OLFM2: variants seen among roughly 807,000 people sequenced by gnomAD.
OLFM2 encodes olfactomedin 2, also known as noelin-2.
Under a neutral mutation model 43.9 loss-of-function variants are expected in OLFM2, and 20 were observed. The observed-to-expected ratio is 0.46, with a 90% CI of 0.32 to 0.66. The LOEUF is 0.66. OLFM2 is among the 30% of genes least tolerant of loss of function. OLFM2 has a pLI of 0.04. For synonymous variants in OLFM2, 268 were observed against 278.6 expected, an observed-to-expected ratio of 0.96 and a Z score of 0.38; for missense variants, 416 against 643.6, an observed-to-expected ratio of 0.65 and a Z score of 3.83.
chr19:9,904,152 TTGTGTGTGTGTGTGTGTGTG>T lies in OLFM2; in HGVS notation c.63+32132_63+32151del, dbSNP rs56281493. On this transcript the variant is annotated intron_variant, in intron 1 of 5. Coordinates refer to ENST00000264833, the MANE Select transcript of OLFM2 (RefSeq NM_058164.4). ...CCTCCAATCCCAGGCTGAGTATTGT[TTGTGTGTGTGTGTGTGTGTG>T]TGTGTGTGTGTGTGTGTGTGTGTGT... is the stretch of plus-strand genomic sequence containing the variant. Among the ~76,000 whole-genome samples, 26 of 127,270 alleles carry T rather than the reference TTGTGTGTGTGTGTGTGTGTG, an allele frequency of 2.0e-4. 1 individual carries two copies. The South Asian group carries it at 2.9e-3, about 14-fold the overall frequency. 83.5% of individuals were successfully genotyped at this position (127,270 alleles called of 152,430 possible).
At position 9,860,705 on chromosome 19, in the gene OLFM2, T is replaced by C; in HGVS notation, c.153A>G (p.Pro51=). The C allele has an allele frequency of 6.2e-7, 1 of 1,605,780 alleles. No homozygotes were observed. Among genetic ancestry groups the C allele is most frequent in the Non-Finnish European group, 8.5e-7 (1 of 1,176,154 alleles). Reference sequence around the variant, plus strand: ...CATCTCGAGAGCAGGTACTCTGCGCTGGGATCACGGCCGTGCAGATGCATT... The same window carrying C: ...CATCTCGAGAGCAGGTACTCTGCGCCGGGATCACGGCCGTGCAGATGCATT... ...DGKCICTAVI[P]AQSTCSRDGR... The change falls in exon 2 of 6, where the codon CCA becomes CCG. Residue 51 remains proline (P), a synonymous_variant. Coordinates refer to ENST00000264833, the MANE Select transcript of OLFM2 (RefSeq NM_058164.4).
At position 9,893,067 on chromosome 19, in the gene OLFM2, T is replaced by A. The variant is rs552088282; in HGVS notation, c.64-32273A>T. Among the ~76,000 whole-genome samples, 3 of 152,320 alleles carry A rather than the reference T, an allele frequency of 2.0e-5. No homozygotes were observed. In the East Asian group the frequency reaches 5.8e-4, roughly 29 times the overall value. On this transcript the variant is annotated intron_variant, in intron 1 of 5. Coordinates refer to ENST00000264833, the MANE Select transcript of OLFM2 (RefSeq NM_058164.4). ...TCTTCATCTCTTAGAACCAGGTTTC[T>A]CTTTGGTCTCTCCCAGTTAAGCCTT...
At chr19:9,913,708 C>T in intron 1 of OLFM2, 1 of 1,055,440 alleles carries the variant, frequency 9.5e-7, no homozygotes, top group African/African-American at 1.7e-5. Context: ...CCCAGGCGCC[C>T]CGGGGGGGCG....
chr19:9,882,374 T>C (rs908512512), intron 1 of OLFM2, among the ~76,000 whole-genome samples: 7 of 147,276 alleles, frequency 4.8e-5, no homozygotes, highest in African/African-American at 1.8e-4. Context: ...CCGTCTCTAC[T>C]AAAAATACAA....
At chr19:9,861,976 C>T (rs926174612) in intron 1 of OLFM2, among the ~76,000 whole-genome samples, 3 of 149,604 alleles carry the variant, frequency 2.0e-5, no homozygotes, top group South Asian at 2.1e-4. Flanking sequence ...GCTGAGACTG[C>T]GCCACTGCGC....
chr19:9,878,709 C>A (rs2046513523), intron 1 of OLFM2, among the ~76,000 whole-genome samples: 1 of 152,056 alleles, frequency 6.6e-6, no homozygotes. Flanking sequence ...TAGGACAGCA[C>A]CCTCCACAGC....
chr19:9,913,724 G>A, intron 1 of OLFM2: 2 of 1,038,566 alleles, frequency 1.9e-6, no homozygotes, highest in Non-Finnish European at 2.3e-6. Flanking sequence ...GGGCGTGGGG[G>A]AGGGGGCACG....
chr19:9,866,624 C>T (rs1455829959), intron 1 of OLFM2, among the ~76,000 whole-genome samples: 1 of 151,756 alleles, frequency 6.6e-6, no homozygotes, highest in Non-Finnish European at 1.5e-5. Context: ...CTCAGCCTCC[C>T]GAGCAGCTGG....
At chr19:9,874,630 A>G (rs975465654) in intron 1 of OLFM2, among the ~76,000 whole-genome samples, 2 of 151,880 alleles carry the variant, frequency 1.3e-5, no homozygotes, top group East Asian at 1.9e-4. Context: ...ACAGGTGTGC[A>G]CCACCATGCC....
intron 1 of OLFM2, among the ~76,000 whole-genome samples, chr19:9,890,903 G>A (rs1248070251): frequency 1.3e-5 from 2 of 151,926 alleles, no homozygotes; most frequent in African/African-American, 4.8e-5. Flanking sequence ...GCAGTGAGCT[G>A]TGATCACACC....
intron 1 of OLFM2, among the ~76,000 whole-genome samples, chr19:9,919,176 C>CTTTCTTTT (rs1555728852): frequency 5.4e-5 from 8 of 149,258 alleles, no homozygotes; most frequent in South Asian, 2.1e-4. Flanking sequence ...ATTTCTCTCT[C>CTTTCTTTT]TTTTTTTTGA....
intron 1 of OLFM2, among the ~76,000 whole-genome samples, chr19:9,863,908 A>C (rs2046382107): frequency 6.6e-6 from 1 of 152,240 alleles, no homozygotes; most frequent in South Asian, 2.1e-4. Context: ...ACCCTTCCTA[A>C]ATGGGGGGAA....
intron 2 of OLFM2, among the ~76,000 whole-genome samples, chr19:9,858,457 T>A (rs1161118218): frequency 2.0e-5 from 3 of 152,144 alleles, no homozygotes; most frequent in Admixed American, 2.0e-4. Flanking sequence ...TCCTCTTGCC[T>A]GGTCATTTCC....
rs1189501294 is a variant in OLFM2, at chr19:9,853,893, G to C, written c.*293C>G. On this transcript the variant is annotated 3_prime_UTR_variant, in exon 6 of 6. Transcript: ENST00000264833. ...GGAAGGACAGAGAGAGAGAGACAGA[G>C]AGAGGCAGAGACGGAAAGAACTGGA... 3 of 565,630 alleles carry C rather than the reference G, an allele frequency of 5.3e-6. No individual in the cohort carries two copies. The highest frequency in any genetic ancestry group is 1.9e-5 in the African/African-American group (1 of 53,186). The allele number at this position is 565,630 out of a possible 1,614,324, so 35.0% of individuals were successfully genotyped here.
chr19:9,890,349 G>C (rs1002010144), intron 1 of OLFM2, among the ~76,000 whole-genome samples: 3 of 152,120 alleles, frequency 2.0e-5, no homozygotes, highest in African/African-American at 7.2e-5. Flanking sequence ...TGATGTATCT[G>C]AAGCTAAGGG....
chr19:9,897,803 C>T (rs1460982409), intron 1 of OLFM2, among the ~76,000 whole-genome samples: 2 of 152,242 alleles, frequency 1.3e-5, no homozygotes, highest in South Asian at 2.1e-4. Context: ...GCTTTCTTCC[C>T]ATGGAGCATG....
At chr19:9,901,606 AC>A (rs2046740533) in intron 1 of OLFM2, among the ~76,000 whole-genome samples, 2 of 152,156 alleles carry the variant, frequency 1.3e-5, no homozygotes, top group South Asian at 4.1e-4. Flanking sequence ...GCCTGAGGGC[AC>A]TTTTGAGGCC....
chr19:9,926,553 AAAAT>A (rs530932117), intron 1 of OLFM2, among the ~76,000 whole-genome samples: 6 of 151,472 alleles, frequency 4.0e-5, no homozygotes, highest in African/African-American at 1.2e-4. Flanking sequence ...CTCCATCTCA[AAAAT>A]AAATAAATAA....
At position 9,888,024 on chromosome 19, in the gene OLFM2, G is replaced by A. The variant is rs80327506; in HGVS notation, c.64-27230C>T. Among the ~76,000 whole-genome samples, 1,383 of 151,954 alleles carry A rather than the reference G, an allele frequency of 9.1e-3. 26 individuals are homozygous for A. The highest frequency in any genetic ancestry group is 0.032 in the African/African-American group (1,333 of 41,466). On this transcript the variant is annotated intron_variant, in intron 1 of 5. Coordinates refer to ENST00000264833, the MANE Select transcript of OLFM2 (RefSeq NM_058164.4). Reference sequence around the variant, plus strand: ...CAAAGTAGAGTTCTCCCCAAGGCACGTAACTCCTTCACAATCTGTCCCATC... The same window carrying A: ...CAAAGTAGAGTTCTCCCCAAGGCACATAACTCCTTCACAATCTGTCCCATC...
Sources: gnomAD v4.1 joint callset for allele counts (sites outside exome capture counted in the v4.1 genomes callset) on GRCh38, gnomAD v4.1.1 for gene constraint, MANE v1.5 for transcripts, NCBI Gene and HGNC (gene_info 2026-07-23, HGNC 2026-07-21) for gene names.